The following MRTFA variants were observed in gnomAD, a reference collection of about 807,000 sequenced individuals.
The protein encoded by MRTFA is myocardin-related transcription factor A.
A neutral mutation model predicts 83.5 loss-of-function variants in MRTFA; 20 were observed. The ratio of observed to expected loss-of-function variants is 0.24; its 90% CI spans 0.17 to 0.35. The LOEUF (loss-of-function observed/expected upper bound fraction) is 0.35, where lower values mean the gene tolerates loss of function less well. MRTFA is among the 10% of genes least tolerant of loss of function. The pLI is 1.00. For missense variants in MRTFA, 1,200 were observed against 1,224.7 expected (o/e 0.98, Z 0.30); for synonymous variants, 659 against 541.2 (o/e 1.22, Z -3.02).
At chr22:40,442,586 C>G (rs2053297693) in intron 4 of MRTFA, among the ~76,000 whole-genome samples, 1 of 123,686 alleles carries the variant, frequency 8.1e-6, no homozygotes, top group African/African-American at 3.1e-5. Context: ...TAAGTAAGCA[C>G]TATGCCAGTC....
At chr22:40,414,297 C>T (rs1006097888) in intron 14 of MRTFA, among the ~76,000 whole-genome samples, 3 of 151,960 alleles carry the variant, frequency 2.0e-5, no homozygotes, top group African/African-American at 7.3e-5. Context: ...GAGCCAAGAT[C>T]GTGCTACTGC....
intron 4 of MRTFA, among the ~76,000 whole-genome samples, chr22:40,459,363 C>G (rs117605801): frequency 5.3e-5 from 8 of 151,834 alleles, no homozygotes; most frequent in Non-Finnish European, 1.0e-4. Context: ...CCTCAACATT[C>G]TCTCTCATAA....
At chr22:40,426,757 T>A (rs2052962735) in intron 7 of MRTFA, among the ~76,000 whole-genome samples, 2 of 152,120 alleles carry the variant, frequency 1.3e-5, no homozygotes, top group African/African-American at 4.8e-5. Flanking sequence ...TCTGCTGAGC[T>A]CCCACAGCAC....
At chr22:40,477,043 C>T (rs2054009213) in intron 3 of MRTFA, among the ~76,000 whole-genome samples, 1 of 151,826 alleles carries the variant, frequency 6.6e-6, no homozygotes, top group South Asian at 2.1e-4. Flanking sequence ...ACAGAAATGA[C>T]CTCTGGCCAG....
intron 14 of MRTFA, chr22:40,412,387 G>C (rs955749727): frequency 6.6e-6 from 1 of 152,320 alleles, no homozygotes; most frequent in African/African-American, 2.4e-5. Context: ...ATGCAAAATG[G>C]TGCAGCTGCT....
intron 3 of MRTFA, among the ~76,000 whole-genome samples, chr22:40,478,433 TA>T (rs2054033674): frequency 6.6e-6 from 1 of 152,194 alleles, no homozygotes; most frequent in Admixed American, 6.5e-5. Context: ...ACTATCTTTG[TA>T]ACTTTCTTCT....
Position 40,435,496 on chromosome 22 carries a change from T to C in MRTFA, c.363+3A>G, listed in dbSNP as rs2053150832. On this transcript the variant is annotated splice_donor_region_variant and intron_variant, in intron 5 of 14. Transcript: ENST00000355630. ...GTTCTGAGGGGGAAAAAAGGTACCT[T>C]ACCCTGGCCCGCTCCAAGCTCCTTC... The C allele has an allele frequency of 6.2e-7, 1 of 1,602,816 alleles. No individual in the cohort carries two copies.
rs145985352 is a variant in MRTFA at position 40,577,755 on chromosome 22, C to T, written c.-22+16919G>A. Among the ~76,000 whole-genome samples, 71 of 150,872 alleles carry T rather than the reference C, an allele frequency of 4.7e-4. 1 individual carries two copies. The East Asian group carries it at 0.014, about 30-fold the overall frequency. Reference sequence around the variant, plus strand: ...CCGAGTAGCTGGGATTACAGGCATACACCACCATGCCCGGCTAATTTTGTA... The same window carrying T: ...CCGAGTAGCTGGGATTACAGGCATATACCACCATGCCCGGCTAATTTTGTA... On this transcript the variant is annotated intron_variant, in intron 2 of 14. Transcript: ENST00000355630.
At chr22:40,419,436 C>G (rs2052777608) in intron 11 of MRTFA, 52 bp from the exon 12 acceptor site, 1 of 1,563,892 alleles carries the variant, frequency 6.4e-7, no homozygotes, top group African/African-American at 1.4e-5. Context: ...ACACAGGGCA[C>G]TGGGTCCAGG....
At chr22:40,588,828 A>T (rs1264832207) in intron 2 of MRTFA, among the ~76,000 whole-genome samples, 1 of 152,170 alleles carries the variant, frequency 6.6e-6, no homozygotes, top group Non-Finnish European at 1.5e-5. Flanking sequence ...CAAAAAATTT[A>T]AAAATTAGCC....
intron 7 of MRTFA, among the ~76,000 whole-genome samples, chr22:40,427,124 G>A (rs1261997892): frequency 6.6e-6 from 1 of 152,210 alleles, no homozygotes; most frequent in Non-Finnish European, 1.5e-5. Flanking sequence ...CTGGCACACT[G>A]CTGAGTCTCA....
intron 14 of MRTFA, chr22:40,415,505 G>C (rs2052659520): frequency 6.6e-6 from 1 of 152,440 alleles, no homozygotes; most frequent in South Asian, 2.1e-4. Flanking sequence ...GCACCCCTCA[G>C]CCGCTCCTCC....
intron 3 of MRTFA, among the ~76,000 whole-genome samples, chr22:40,486,288 A>C (rs924972095): frequency 1.3e-5 from 2 of 152,178 alleles, no homozygotes; most frequent in African/African-American, 4.8e-5. Flanking sequence ...GCAAGCCCGA[A>C]CAGGAAATGA....
chr22:40,533,333 A>AG (rs897225674), intron 3 of MRTFA, among the ~76,000 whole-genome samples: 5 of 152,222 alleles, frequency 3.3e-5, no homozygotes, highest in African/African-American at 1.2e-4. Context: ...GAAGACAAAG[A>AG]GTTTTTTTTC....
At chr22:40,435,683 A>G in intron 4 of MRTFA, 129 bp from the exon 5 acceptor site, 1 of 962,048 alleles carries the variant, frequency 1.0e-6, no homozygotes, top group Non-Finnish European at 1.6e-6. Context: ...CTGTAATCCC[A>G]ACACTTTGGG....
intron 3 of MRTFA, among the ~76,000 whole-genome samples, chr22:40,506,091 G>A (rs538973467): frequency 1.4e-4 from 21 of 152,092 alleles, no homozygotes; most frequent in Admixed American, 2.6e-4. Context: ...AAAATCAGCC[G>A]GGCATGGTAG....
At chr22:40,498,908 T>C (rs2054408067) in intron 3 of MRTFA, among the ~76,000 whole-genome samples, 1 of 152,186 alleles carries the variant, frequency 6.6e-6, no homozygotes, top group Non-Finnish European at 1.5e-5. Context: ...ATAAAGATAA[T>C]ATGACCAAAT....
chr22:40,502,459 G>A (rs1021879006), intron 3 of MRTFA, among the ~76,000 whole-genome samples: 2 of 133,074 alleles, frequency 1.5e-5, no homozygotes, highest in African/African-American at 2.9e-5. Context: ...CATCTCAGAC[G>A]ATGGGCGGCC....
intron 2 of MRTFA, among the ~76,000 whole-genome samples, chr22:40,592,811 CATA>C (rs1431365679): frequency 6.6e-6 from 1 of 152,048 alleles, no homozygotes; most frequent in African/African-American, 2.4e-5. Context: ...TCTTTACAAG[CATA>C]ATGACAAGAG....
Sources: gnomAD v4.1 joint callset for allele counts (sites outside exome capture counted in the v4.1 genomes callset) on GRCh38, gnomAD v4.1.1 for gene constraint, MANE v1.5 for transcripts, NCBI Gene and HGNC (gene_info 2026-07-23, HGNC 2026-07-21) for gene names.